Variants in RECQL observed in about 807,000 individuals in gnomAD.
RECQL encodes the protein RecQ like helicase.
A neutral mutation model predicts 75.8 loss-of-function variants in RECQL; 73 were observed. The observed-to-expected ratio is 0.96, with a 90% CI of 0.80 to 1.17. RECQL has a LOEUF of 1.17. RECQL is among the 50% of genes most tolerant of loss of function. The pLI is 0.00. For missense variants in RECQL, 699 were observed against 772.1 expected, an observed-to-expected ratio of 0.91 and a Z score of 1.12; for synonymous variants, 248 against 254.4, an observed-to-expected ratio of 0.97 and a Z score of 0.24.
Position 21,470,348 on chromosome 12 carries a change from T to TCCA in RECQL, c.1798-3_1798-2insTGG. 1.4e-6 allele frequency: 1 copy of TCCA among 716,868 alleles called. No homozygotes were observed. Among genetic ancestry groups the TCCA allele is most frequent in the Non-Finnish European group, 1.8e-6 (1 of 569,500 alleles). 44.4% of individuals were successfully genotyped at this position (716,868 alleles called of 1,614,324 possible). A position where few individuals can be genotyped will look rare whatever the true frequency, so the allele number is the denominator to read the frequency against. On this transcript the variant is annotated splice_region_variant and splice_polypyrimidine_tract_variant and intron_variant, in intron 14 of 14. Transcript: ENST00000444129. The stretch of plus-strand genomic sequence containing the variant: ...ATGACAAGTTTGAGACGATTCAGCC[T>TCCA]ACAAAAAAAAAAAAAAAACAAAGCA...
intron 2 of RECQL, among the ~76,000 whole-genome samples, chr12:21,492,992 A>G (rs1255024225): frequency 6.6e-6 from 1 of 152,252 alleles, no homozygotes; most frequent in Non-Finnish European, 1.5e-5. Context: ...CAGGACCAGA[A>G]GCTGACTCAG....
intron 2 of RECQL, among the ~76,000 whole-genome samples, chr12:21,493,980 T>C (rs1943458902): frequency 6.6e-6 from 1 of 152,184 alleles, no homozygotes; most frequent in Non-Finnish European, 1.5e-5. Flanking sequence ...GCTGGGTAAT[T>C]TATAAAAGAA....
intron 10 of RECQL, 33 bp downstream of exon 10, chr12:21,475,435 A>T: frequency 7.1e-7 from 1 of 1,399,852 alleles, no homozygotes; most frequent in Non-Finnish European, 1.0e-6. Flanking sequence ...AAAGCTTTCT[A>T]AAAATTTACT....
chr12:21,487,606 TTC>T (rs1310699766), intron 4 of RECQL, among the ~76,000 whole-genome samples: 2 of 152,182 alleles, frequency 1.3e-5, no homozygotes, highest in Non-Finnish European at 2.9e-5. Context: ...CAGTCAATTA[TTC>T]TCTCTCCTAT....
At chr12:21,494,178 T>C (rs561342401) in intron 2 of RECQL, among the ~76,000 whole-genome samples, 37 of 152,072 alleles carry the variant, frequency 2.4e-4, no homozygotes, top group African/African-American at 8.4e-4. Context: ...CAACCAGCTC[T>C]CATGTGAACT....
At position 21,499,718 on chromosome 12, in the gene RECQL, G is replaced by C. The variant is rs577067047; in HGVS notation, c.-45-103C>G. On this transcript the variant is annotated intron_variant, in intron 1 of 14. Coordinates refer to ENST00000444129, the MANE Select transcript of RECQL (RefSeq NM_002907.4). ...TCATTCCTAAGCACGGAAAATGTTA[G>C]AAAGTAAATTATATATTGCAGTGAC... is the stretch of plus-strand genomic sequence containing the variant. The C allele has an allele frequency of 2.0e-5, 12 of 592,814 alleles. 1 individual carries two copies. Among genetic ancestry groups the C allele is most frequent in the African/African-American group, 1.5e-4 (8 of 52,202 alleles). The allele number at this position is 592,814 out of a possible 1,614,324, so 36.7% of individuals were successfully genotyped here. A position where few individuals can be genotyped will look rare whatever the true frequency, so the allele number is the denominator to read the frequency against.
rs544551114 is a variant in RECQL, at chr12:21,477,934, G to C, written c.736C>G (p.Pro246Ala). 6.2e-6 allele frequency: 10 copies of C among 1,611,160 alleles called. No individual in the cohort carries two copies. In the East Asian group the frequency reaches 6.7e-5, roughly 11 times the overall value. The change falls in exon 7 of 15, where the codon CCT (proline) becomes GCT (alanine). Residue 246 changes from proline to alanine, a missense_variant. Physicochemically the swap from Pro to Ala is conservative, Grantham distance 27 (BLOSUM62 -1). This residue lies in a region of RECQL where 669 missense variants were observed against 713.5 expected (regional missense o/e 0.94). Transcript: ENST00000444129. ...KALGILKRQFPNASLIGLTAT... is the reference protein window; with the variant it reads ...KALGILKRQFANASLIGLTAT... ...GTCAGCCCAATTAGTGATGCGTTAG[G>C]GAACTGCCGCTTTAAGATACCAAGT...
rs2137374444 is a variant in RECQL, at chr12:21,483,500, C to G, written c.576G>C (p.Glu192Asp). ...TAAACATTTTGCTTTTTGCAATTTT[C>G]TCTGGAGTCACATAAATCAGCTTTA... ...SELKLIYVTP[E>D]KIAKSKMFMS... Residue 192 changes from glutamate to aspartate, a missense_variant, in exon 6 of 15, where the codon GAG becomes GAC. By Grantham distance (45) the Glu-to-Asp change is conservative. Transcript: ENST00000444129. The G allele has an allele frequency of 6.3e-7, 1 of 1,588,062 alleles. No homozygotes were observed. Among genetic ancestry groups the G allele is most frequent in the South Asian group, 1.2e-5 (1 of 86,212 alleles).
In RECQL at chr12:21,486,656, C is replaced by CCTTTTTT. The variant is rs1565571187; in HGVS notation, c.395-72_395-71insAAAAAAG. On this transcript the variant is annotated intron_variant, in intron 4 of 14. Coordinates refer to ENST00000444129, the MANE Select transcript of RECQL (RefSeq NM_002907.4). The stretch of plus-strand genomic sequence containing the variant: ...CTCAGAATCAGATGCAAACCATTCA[C>CCTTTTTT]GTTTTTTTTTTTTTTTTTTTTTTTT... The CCTTTTTT allele has an allele frequency of 3.0e-4, 48 of 161,214 alleles. 16 individuals carry two copies. The highest frequency in any genetic ancestry group is 1.5e-3 in the African/African-American group (22 of 14,988). 10.0% of individuals were successfully genotyped at this position (161,214 alleles called of 1,614,324 possible).
At chr12:21,479,350 ATT>A (rs11366827) in intron 6 of RECQL, among the ~76,000 whole-genome samples, 3,490 of 116,256 alleles carry the variant, frequency 0.03, 118 homozygotes, top group African/African-American at 0.093. Context: ...TCATCATGTA[ATT>A]TTTTTTTTTT....
Position 21,499,013 on chromosome 12 carries a change from A to G in RECQL, c.16+542T>C, listed in dbSNP as rs146863344. Among the ~76,000 whole-genome samples, 655 of 152,366 alleles carry G rather than the reference A, an allele frequency of 4.3e-3. 7 individuals are homozygous for G. Among genetic ancestry groups the G allele is most frequent in the African/African-American group, 0.014 (602 of 41,582 alleles). ...AAGGAGGACATGATTCAGCAAGAAG[A>G]GAAATGAGCATCACCCAAAGACGAA... On this transcript the variant is annotated intron_variant, in intron 2 of 14. Transcript: ENST00000444129.
At chr12:21,501,046 T>C (rs1165637108) in intron 1 of RECQL, 124 bp downstream of exon 1, 3 of 152,136 alleles carry the variant, frequency 2.0e-5, no homozygotes, top group Non-Finnish European at 4.4e-5. Flanking sequence ...TGAGATACCA[T>C]AGGCTAAATC....
At position 21,469,988 on chromosome 12, in the gene RECQL, T is replaced by C. The variant is rs1407026351; in HGVS notation, c.*206A>G. 5 of 642,534 alleles carry C rather than the reference T, an allele frequency of 7.8e-6. No individual in the cohort carries two copies. Among genetic ancestry groups the C allele is most frequent in the African/African-American group, 7.6e-5 (4 of 52,430 alleles). 39.8% of individuals were successfully genotyped at this position (642,534 alleles called of 1,614,324 possible). A position where few individuals can be genotyped will look rare whatever the true frequency, so the allele number is the denominator to read the frequency against. On this transcript the variant is annotated 3_prime_UTR_variant, in exon 15 of 15. Coordinates refer to ENST00000444129, the MANE Select transcript of RECQL (RefSeq NM_002907.4). ...GTTTTACATAAAAATTTTTCCCTTG[T>C]TTTATACTGGAAAATTATATAATTC...
chr12:21,477,702 TG>T, intron 7 of RECQL, 100 bp downstream of exon 7: 1 of 890,064 alleles, frequency 1.1e-6, no homozygotes, highest in Non-Finnish European at 1.6e-6. Flanking sequence ...TAAAAATTTT[TG>T]TAAGTACTTA....
chr12:21,484,797 G>A (rs538906230), intron 5 of RECQL, among the ~76,000 whole-genome samples: 48 of 151,484 alleles, frequency 3.2e-4, no homozygotes, highest in Middle Eastern at 3.4e-3. Flanking sequence ...CATATTATAC[G>A]TCAAAGCTTG....
At chr12:21,471,703 A>G in intron 12 of RECQL, 56 bp from the exon 13 acceptor site, 2 of 1,387,390 alleles carry the variant, frequency 1.4e-6, no homozygotes, top group Non-Finnish European at 2.0e-6. Context: ...GAGGGCAAAG[A>G]TAGGCTATCT....
At chr12:21,499,346 C>A (rs1032546369) in intron 2 of RECQL, among the ~76,000 whole-genome samples, 4 of 152,164 alleles carry the variant, frequency 2.6e-5, no homozygotes, top group African/African-American at 7.2e-5. Context: ...GTGGTGACGA[C>A]TGCACAACAG....
intron 3 of RECQL, among the ~76,000 whole-genome samples, chr12:21,491,123 CTATTTA>C (rs1246100856): frequency 6.6e-6 from 1 of 152,072 alleles, no homozygotes; most frequent in Non-Finnish European, 1.5e-5. Context: ...TTCTATTATT[CTATTTA>C]TAATTGATAA....
chr12:21,495,207 T>C (rs1274725422), intron 2 of RECQL, among the ~76,000 whole-genome samples: 2 of 152,178 alleles, frequency 1.3e-5, no homozygotes, highest in Non-Finnish European at 2.9e-5. Flanking sequence ...TGGAGCCTGT[T>C]GGGGAAGGAC....
Sources: allele counts gnomAD v4.1 joint callset (sites outside exome capture counted in the v4.1 genomes callset), GRCh38; gene constraint gnomAD v4.1.1; regional missense constraint gnomAD v4.1.1; transcripts MANE v1.5; gene names NCBI Gene and HGNC (gene_info 2026-07-23, HGNC 2026-07-21).